Variants in USP19 observed in about 807,000 individuals in gnomAD.
USP19 encodes ubiquitin specific peptidase 19, also known as ubiquitin carboxyl-terminal hydrolase 19.
USP19 carries 40 observed loss-of-function variants against 144.8 expected under a neutral mutation model. The observed-to-expected ratio is 0.28, with a 90% CI of 0.21 to 0.36. USP19 has a LOEUF of 0.36. Ranked by LOEUF, USP19 falls within the 10% of genes least tolerant of loss-of-function variation. The pLI is 1.00. For synonymous variants in USP19, 701 were observed against 709.3 expected, an observed-to-expected ratio of 0.99 and a Z score of 0.19; for missense variants, 1,518 against 1,822.5, an observed-to-expected ratio of 0.83 and a Z score of 3.04.
In USP19 at chr3:49,111,970, A is replaced by G; in HGVS notation, c.2844T>C (p.Ser948=). 1.7e-5 allele frequency: 27 copies of G among 1,614,050 alleles called. No individual in the cohort carries two copies. Among genetic ancestry groups the G allele is most frequent in the Non-Finnish European group, 2.2e-5 (26 of 1,180,020 alleles). The change falls in exon 20 of 27, where the codon AGT becomes AGC. Residue 948 remains serine (S), a synonymous_variant. Coordinates refer to ENST00000417901, the MANE Select transcript of USP19 (RefSeq NM_001199161.2). The surrounding 1 kb of genome is among the most constrained non-coding windows in gnomAD (Gnocchi z 5.9). ...PENIGYPFLV[S]VPASRLTYAR... ...CATAAGTGAGGCGTGAGGCAGGTAC[A>G]CTGACCAGGAAGGGGTAGCCAATGT...
chr3:49,111,491 G>A lies in USP19; in HGVS notation c.3217+9C>T, dbSNP rs1345677423. The A allele has an allele frequency of 6.2e-7, 1 of 1,611,640 alleles. No individual in the cohort carries two copies. The highest frequency in any genetic ancestry group is 8.5e-7 in the Non-Finnish European group (1 of 1,179,702). On this transcript the variant is annotated intron_variant, in intron 21 of 26. Coordinates refer to ENST00000417901, the MANE Select transcript of USP19 (RefSeq NM_001199161.2). This position sits in a 1 kb window ranked among gnomAD's most constrained non-coding sequence, Gnocchi z 5.9. ...TCCCCAGCTTCTAGAGCCTTTCACT[G>A]GATCTTACCTTCGGGTCGGGACACC...
chr3:49,113,567 C>A (rs898770629), intron 17 of USP19, among the ~76,000 whole-genome samples: 1 of 149,214 alleles, frequency 6.7e-6, no homozygotes, highest in African/African-American at 2.5e-5. Flanking sequence ...CATGAGCCAC[C>A]ACGCCTGGCC....
chr3:49,110,674 C>G lies in USP19; in HGVS notation c.3698+37G>C. 1 of 1,611,830 alleles carries G rather than the reference C, an allele frequency of 6.2e-7. No individual in the cohort carries two copies. On this transcript the variant is annotated intron_variant, in intron 24 of 26. Coordinates refer to ENST00000417901, the MANE Select transcript of USP19 (RefSeq NM_001199161.2). This position sits in a 1 kb window ranked among gnomAD's most constrained non-coding sequence, Gnocchi z 6.1. ...CGCTCAGGATGCCCATCCTGGTCCT[C>G]ACACCCCACCCACAGTTACCAAGGT...
At position 49,117,263 on chromosome 3, in the gene USP19, G is replaced by A; in HGVS notation, c.705C>T (p.Pro235=). The A allele has an allele frequency of 6.4e-7, 1 of 1,564,852 alleles. No individual in the cohort carries two copies. Among genetic ancestry groups the A allele is most frequent in the Non-Finnish European group, 8.7e-7 (1 of 1,154,922 alleles). The stretch of plus-strand genomic sequence containing the variant: ...TCCGGGCCTCCTGCTTAGCCCGGTG[G>A]GGCTCAGGGCCTGGCTCCAGGGCAA... ...SPIALEPGPE[P]HRAKQEARNQ... is the part of the protein sequence containing the mutation. The change falls in exon 6 of 27, where the codon CCC becomes CCT. Residue 235 remains proline (P), a synonymous_variant. Coordinates refer to ENST00000417901, the MANE Select transcript of USP19 (RefSeq NM_001199161.2). This position sits in a 1 kb window ranked among gnomAD's most constrained non-coding sequence, Gnocchi z 4.4.
At chr3:49,118,395 CCG>C (rs2044558677) in intron 2 of USP19, among the ~76,000 whole-genome samples, 1 of 152,018 alleles carries the variant, frequency 6.6e-6, no homozygotes, top group Admixed American at 6.6e-5. Flanking sequence ...TGGTGAAACC[CCG>C]TCTCTACTAA....
chr3:49,117,504 C>T lies in USP19; in HGVS notation c.539G>A (p.Arg180His), dbSNP rs199935062. Residue 180 changes from arginine (R) to histidine (H), a missense_variant, in exon 5 of 27, where the codon CGC (arginine) becomes CAC (histidine). Arg to His is a conservative substitution (Grantham distance 29, BLOSUM62 0). Around this residue, in one of 5 missense-constraint regions of USP19, gnomAD observed 707 missense variants for 728.9 expected, o/e 0.97. Coordinates refer to ENST00000417901, the MANE Select transcript of USP19 (RefSeq NM_001199161.2). The surrounding 1 kb of genome is among the most constrained non-coding windows in gnomAD (Gnocchi z 4.4). ...TGTCAGGTGCAGGAGACTGCCCTTGCGGGTTTGCACTTTAGCACAAGAGCT... is the reference window on the plus strand; with the variant it reads ...TGTCAGGTGCAGGAGACTGCCCTTGTGGGTTTGCACTTTAGCACAAGAGCT... ...IKSSCAKVQTRKGSLLHLTLP... is the reference protein window; with the variant it reads ...IKSSCAKVQTHKGSLLHLTLP... 132 of 1,613,994 alleles carry T rather than the reference C, an allele frequency of 8.2e-5. No individual in the cohort carries two copies. The highest frequency in any genetic ancestry group is 6.7e-4 in the Admixed American group (40 of 60,008).
Position 49,111,992 on chromosome 3 carries a change from A to G in USP19, c.2822T>C (p.Ile941Thr), listed in dbSNP as rs1167527269. The change falls in exon 20 of 27, where the codon ATT (isoleucine) becomes ACT (threonine). Residue 941 changes from isoleucine to threonine, a missense_variant. By Grantham distance (89) the Ile-to-Thr change is moderately conservative. Coordinates refer to ENST00000417901, the MANE Select transcript of USP19 (RefSeq NM_001199161.2). This position sits in a 1 kb window ranked among gnomAD's most constrained non-coding sequence, Gnocchi z 5.9. ...TACACTGACCAGGAAGGGGTAGCCA[A>G]TGTTCTCAGGTCGGCAGAGGCCCTT... ...DHKGLCRPEN[I>T]GYPFLVSVPA... 3.7e-6 allele frequency: 6 copies of G among 1,613,970 alleles called. No homozygotes were observed. The highest frequency in any genetic ancestry group is 3.3e-5 in the Admixed American group (2 of 59,996).
chr3:49,114,299 G>C lies in USP19; in HGVS notation c.2293-15C>G, dbSNP rs1256487594. On this transcript the variant is annotated splice_polypyrimidine_tract_variant and intron_variant, in intron 15 of 26. Coordinates refer to ENST00000417901, the MANE Select transcript of USP19 (RefSeq NM_001199161.2). This position sits in a 1 kb window ranked among gnomAD's most constrained non-coding sequence, Gnocchi z 4.5. ...GTGATGGAGACCTGTGGATGTAGAG[G>C]TGGCACTGGGTAGCTGCACACAGAG... 1 of 1,610,408 alleles carries C rather than the reference G, an allele frequency of 6.2e-7. No individual in the cohort carries two copies. The highest frequency in any genetic ancestry group is 1.7e-5 in the Admixed American group (1 of 60,000).
intron 2 of USP19, 144 bp downstream of exon 2, chr3:49,118,878 T>G: frequency 7.8e-7 from 1 of 1,281,350 alleles, no homozygotes; most frequent in Middle Eastern, 2.0e-4. Context: ...GAGGCTCTAC[T>G]GAGGTTATCA....
chr3:49,115,432 C>A lies in USP19; in HGVS notation c.1888+12G>T. 1 of 1,613,922 alleles carries A rather than the reference C, an allele frequency of 6.2e-7. No individual in the cohort carries two copies. Among genetic ancestry groups the A allele is most frequent in the South Asian group, 1.1e-5 (1 of 91,072 alleles). On this transcript the variant is annotated intron_variant, in intron 12 of 26. Coordinates refer to ENST00000417901, the MANE Select transcript of USP19 (RefSeq NM_001199161.2). The surrounding 1 kb of genome is among the most constrained non-coding windows in gnomAD (Gnocchi z 6.6). ...CTCTGCCCATAACCCAGGCTCCAGGCCCTGCCCTCACCATGGAAGAAGTCC... is the reference window on the plus strand; with the variant it reads ...CTCTGCCCATAACCCAGGCTCCAGGACCTGCCCTCACCATGGAAGAAGTCC...
At chr3:49,118,674 G>C (rs528339937) in intron 2 of USP19, among the ~76,000 whole-genome samples, 3 of 152,026 alleles carry the variant, frequency 2.0e-5, no homozygotes, top group African/African-American at 7.2e-5. Context: ...CCTGAACCAG[G>C]AGGTGGACGT....
chr3:49,109,016 A>G, intron 26 of USP19: 1 of 1,613,700 alleles, frequency 6.2e-7, no homozygotes, highest in Non-Finnish European at 8.5e-7. Context: ...GAGGGCCACC[A>G]AAGCCGCCAC....
chr3:49,111,846 T>G lies in USP19; in HGVS notation c.2904-33A>C. ...CAGAGAACAACGCAAGTAAGACTCC[T>G]GACCAGCCCATCTAGCACCTCTGCC... On this transcript the variant is annotated intron_variant, in intron 20 of 26. Transcript: ENST00000417901. This position sits in a 1 kb window ranked among gnomAD's most constrained non-coding sequence, Gnocchi z 5.9. The G allele has an allele frequency of 6.3e-7, 1 of 1,595,084 alleles. No individual in the cohort carries two copies. The highest frequency in any genetic ancestry group is 8.6e-7 in the Non-Finnish European group (1 of 1,169,244).
chr3:49,114,168 C>G lies in USP19; in HGVS notation c.2403+6G>C. 1.9e-6 allele frequency: 3 copies of G among 1,614,194 alleles called. No homozygotes were observed. Among genetic ancestry groups the G allele is most frequent in the Non-Finnish European group, 2.5e-6 (3 of 1,180,046 alleles). Reference sequence around the variant, plus strand: ...ACAGCCCAGAGGGTAGGGGCTTACTCCTCACCTTGATGGGCTTGCTGTGGG... The same window carrying G: ...ACAGCCCAGAGGGTAGGGGCTTACTGCTCACCTTGATGGGCTTGCTGTGGG... On this transcript the variant is annotated splice_donor_region_variant and intron_variant, in intron 16 of 26. Coordinates refer to ENST00000417901, the MANE Select transcript of USP19 (RefSeq NM_001199161.2). The surrounding 1 kb of genome is among the most constrained non-coding windows in gnomAD (Gnocchi z 4.5).
At position 49,110,361 on chromosome 3, in the gene USP19, G is replaced by A. The variant is rs1246333777; in HGVS notation, c.3861C>T (p.Gly1287=). 3 of 1,594,480 alleles carry A rather than the reference G, an allele frequency of 1.9e-6. No individual in the cohort carries two copies. In the East Asian group the frequency reaches 6.7e-5, roughly 36 times the overall value. ...NDRSSQRSDV[G]WRLFDDSTVT... ...CTGTGCTGTCATCAAACAAGCGCCA[G>A]CCTACAGCAGGGTGGGAAGAGTGTG... is the stretch of plus-strand genomic sequence containing the variant. The change falls in exon 26 of 27, where the codon GGC becomes GGT. Residue 1287 remains glycine (G), a splice_region_variant and synonymous_variant. Coordinates refer to ENST00000417901, the MANE Select transcript of USP19 (RefSeq NM_001199161.2). The surrounding 1 kb of genome is among the most constrained non-coding windows in gnomAD (Gnocchi z 6.1).
Position 49,118,030 on chromosome 3 carries a change from G to A in USP19, c.215C>T (p.Thr72Ile). The A allele has an allele frequency of 6.2e-7, 1 of 1,601,516 alleles. No homozygotes were observed. The highest frequency in any genetic ancestry group is 8.5e-7 in the Non-Finnish European group (1 of 1,177,180). Residue 72 changes from threonine to isoleucine, a missense_variant, in exon 3 of 27, where the codon ACA (threonine) becomes ATA (isoleucine). Transcript: ENST00000417901. Reference protein sequence around the residue: ...SASASHAAGITGSRHRTRLFF... With the variant: ...SASASHAAGIIGSRHRTRLFF... ...CAGCCGGGTACGGTGGCGTGAGCCTGTGATCCCAGCTGCATGGGAGGCTGA... is the reference window on the plus strand; with the variant it reads ...CAGCCGGGTACGGTGGCGTGAGCCTATGATCCCAGCTGCATGGGAGGCTGA...
chr3:49,119,445 G>GC (rs1175159553), intron 1 of USP19, among the ~76,000 whole-genome samples, 164 bp from the exon 2 acceptor site: 2 of 152,180 alleles, frequency 1.3e-5, no homozygotes, highest in Non-Finnish European at 2.9e-5. Context: ...AATAAATAAT[G>GC]CAAGTAGCAG....
At chr3:49,120,131 G>T (rs2044941176) in intron 1 of USP19, among the ~76,000 whole-genome samples, 2 of 152,158 alleles carry the variant, frequency 1.3e-5, no homozygotes, top group Non-Finnish European at 2.9e-5. Flanking sequence ...TGAAGGTCTT[G>T]AAACTAGATA....
rs1340525630 is a variant in USP19, at chr3:49,108,981, C to G, written c.4039-453G>C. 1.2e-6 allele frequency: 2 copies of G among 1,612,518 alleles called. No individual in the cohort carries two copies. The highest frequency in any genetic ancestry group is 1.7e-6 in the Non-Finnish European group (2 of 1,179,314). The stretch of plus-strand genomic sequence containing the variant: ...GCTCATCTCCAGCGACTCTGGGATA[C>G]CAGAGGATAGAACACGTTGAGCACG... On this transcript the variant is annotated intron_variant, in intron 26 of 26. Coordinates refer to ENST00000417901, the MANE Select transcript of USP19 (RefSeq NM_001199161.2). The surrounding 1 kb of genome is among the most constrained non-coding windows in gnomAD (Gnocchi z 4.8).
Sources: gnomAD v4.1 joint callset for allele counts (sites outside exome capture counted in the v4.1 genomes callset) on GRCh38, gnomAD v4.1.1 for gene constraint, gnomAD v4.1.1 regional missense constraint, Gnocchi (gnomAD v3.1) non-coding constraint, MANE v1.5 for transcripts, NCBI Gene and HGNC (gene_info 2026-07-23, HGNC 2026-07-21) for gene names.